Variants in SMG9 observed in about 807,000 individuals in gnomAD.
SMG9 encodes the protein nonsense-mediated mRNA decay factor SMG9.
In SMG9, 55 loss-of-function variants were observed where a neutral mutation model predicts 64.0. The ratio of observed to expected loss-of-function variants is 0.86; its 90% CI spans 0.69 to 1.08. SMG9 has a LOEUF of 1.08. SMG9 is among the 50% of genes least tolerant of loss of function. The pLI, the probability that SMG9 is intolerant of heterozygous loss-of-function variation, is 0.00. For missense variants in SMG9, 554 were observed against 681.3 expected (o/e 0.81, Z 2.08); for synonymous variants, 244 against 254.8 (o/e 0.96, Z 0.41).
chr19:43,751,093 G>C lies in SMG9; in HGVS notation c.-6-346C>G, dbSNP rs747033418. ...ACCTACCTTGGCCTCCCAAAGTGCTGGGATTACAGATGTGAGCCACTGTGC... is the reference window on the plus strand; with the variant it reads ...ACCTACCTTGGCCTCCCAAAGTGCTCGGATTACAGATGTGAGCCACTGTGC... On this transcript the variant is annotated intron_variant, in intron 1 of 13. Transcript: ENST00000270066. Among the ~76,000 whole-genome samples, 12 of 151,686 alleles carry C rather than the reference G, an allele frequency of 7.9e-5. No homozygotes were observed. The South Asian group carries it at 1.2e-3, about 16-fold the overall frequency.
intron 9 of SMG9, chr19:43,734,809 A>C: frequency 4.2e-6 from 1 of 235,746 alleles, no homozygotes; most frequent in Non-Finnish European, 8.3e-6. Flanking sequence ...ACCCCTGCAC[A>C]TGCACAGCCT....
chr19:43,747,939 T>C (rs1007790140), intron 3 of SMG9, 39 bp downstream of exon 3: 4 of 1,613,966 alleles, frequency 2.5e-6, no homozygotes, highest in African/African-American at 1.3e-5. Context: ...GGCAATCCCT[T>C]CCCTAACGGC....
At chr19:43,744,628 T>C (rs2146391123) in intron 6 of SMG9, 144 bp downstream of exon 6, 2 of 545,742 alleles carry the variant, frequency 3.7e-6, no homozygotes, top group East Asian at 6.3e-5. Context: ...ATCATCTTCA[T>C]CTCATGAAGA....
Position 43,750,511 on chromosome 19 carries a change from A to G in SMG9, c.150+81T>C, listed in dbSNP as rs574373914. On this transcript the variant is annotated intron_variant, in intron 2 of 13. Coordinates refer to ENST00000270066, the MANE Select transcript of SMG9 (RefSeq NM_019108.4). ...TTTTGTTTACAAATATATCCCCGGC[A>G]TCTGGATTAGTGCCTGGCACATGGC... The G allele has an allele frequency of 4.4e-5, 65 of 1,486,320 alleles. 1 individual carries two copies. The East Asian group carries it at 1.4e-3, about 32-fold the overall frequency. 92.1% of individuals were successfully genotyped at this position (1,486,320 alleles called of 1,614,324 possible).
rs1487000490 is a variant in SMG9, at chr19:43,728,984, C to G, written c.*2612G>C. The G allele has an allele frequency of 1.0e-6, 1 of 985,366 alleles. No homozygotes were observed. The highest frequency in any genetic ancestry group is 6.1e-5 in the Admixed American group (1 of 16,272). The allele number at this position is 985,366 out of a possible 1,614,324, so 61.0% of individuals were successfully genotyped here. On this transcript the variant is annotated 3_prime_UTR_variant, in exon 14 of 14. Coordinates refer to ENST00000270066, the MANE Select transcript of SMG9 (RefSeq NM_019108.4). ...CAGCCCATCCTAGAGCAGAAGGCCT[C>G]CCTGCAGCAGTATATCTAGCTGGTG... is the stretch of plus-strand genomic sequence containing the variant.
chr19:43,736,493 G>C (rs1276956849), intron 9 of SMG9, among the ~76,000 whole-genome samples: 1 of 152,314 alleles, frequency 6.6e-6, no homozygotes, highest in Non-Finnish European at 1.5e-5. Context: ...GTCTCTTCTG[G>C]AGGCATTTCT....
rs1435819536 is a variant in SMG9 at position 43,731,620 on chromosome 19, T to C, written c.1539A>G (p.Ala513=). 6.8e-6 allele frequency: 11 copies of C among 1,614,116 alleles called. No homozygotes were observed. The highest frequency in any genetic ancestry group is 9.3e-6 in the Non-Finnish European group (11 of 1,180,046). ...WDGVRKSSAL[A]EYSRLLA ...CTCAGGCCAGCAGGCGGCTGTACTCTGCCAGAGCAGAGGACTTTCTCACCC... is the reference window on the plus strand; with the variant it reads ...CTCAGGCCAGCAGGCGGCTGTACTCCGCCAGAGCAGAGGACTTTCTCACCC... The change falls in exon 14 of 14, where the codon GCA becomes GCG. Residue 513 remains alanine (A), a synonymous_variant. Transcript: ENST00000270066.
At chr19:43,749,348 G>A (rs1180560556) in intron 2 of SMG9, among the ~76,000 whole-genome samples, 1 of 152,194 alleles carries the variant, frequency 6.6e-6, no homozygotes, top group Non-Finnish European at 1.5e-5. Context: ...AAGATGCCGA[G>A]GTCAGCACGG....
chr19:43,751,922 T>C (rs747545056), intron 1 of SMG9, among the ~76,000 whole-genome samples: 2 of 152,222 alleles, frequency 1.3e-5, no homozygotes, highest in African/African-American at 2.4e-5. Context: ...TGCTCCAACA[T>C]AAATAAACTC....
At chr19:43,738,049 A>C (rs1251716407) in intron 8 of SMG9, 73 bp downstream of exon 8, 2 of 1,437,944 alleles carry the variant, frequency 1.4e-6, no homozygotes, top group African/African-American at 2.8e-5. Flanking sequence ...ACCCACACCC[A>C]GCTCTCCAGA....
At chr19:43,739,779 T>G in intron 7 of SMG9, 1 of 312,122 alleles carries the variant, frequency 3.2e-6, no homozygotes, top group Non-Finnish European at 6.2e-6. Context: ...GATAAAGAGC[T>G]GTGGTTTAAG....
chr19:43,751,595 T>C (rs1969193773), intron 1 of SMG9, among the ~76,000 whole-genome samples: 1 of 152,232 alleles, frequency 6.6e-6, no homozygotes, highest in African/African-American at 2.4e-5. Flanking sequence ...TGCAGTTAGG[T>C]GTGGCCATGT....
chr19:43,752,714 A>C (rs1415810851), intron 1 of SMG9, among the ~76,000 whole-genome samples: 1 of 152,086 alleles, frequency 6.6e-6, no homozygotes, highest in Non-Finnish European at 1.5e-5. Context: ...CTTGGGCAAC[A>C]TAGCAAGATC....
At chr19:43,746,519 T>C (rs1969012502) in intron 5 of SMG9, among the ~76,000 whole-genome samples, 2 of 152,098 alleles carry the variant, frequency 1.3e-5, no homozygotes, top group African/African-American at 4.8e-5. Flanking sequence ...TTAATTCCAA[T>C]GTGAGAGTGG....
chr19:43,738,360 GA>G (rs1259377493), intron 7 of SMG9, 143 bp from the exon 8 acceptor site: 9 of 667,952 alleles, frequency 1.3e-5, no homozygotes, highest in Admixed American at 3.0e-5. Context: ...GGAAGTTAAA[GA>G]AAAAAAACTC....
intron 5 of SMG9, among the ~76,000 whole-genome samples, chr19:43,746,003 A>G (rs1968990634): frequency 6.6e-6 from 1 of 151,782 alleles, no homozygotes; most frequent in Non-Finnish European, 1.5e-5. Flanking sequence ...TTCCATCACA[A>G]AAAAACAAAA....
chr19:43,742,017 G>A (rs1485023139), intron 6 of SMG9, among the ~76,000 whole-genome samples: 4 of 152,078 alleles, frequency 2.6e-5, no homozygotes, highest in Admixed American at 6.6e-5. Flanking sequence ...ATGTGGTGGT[G>A]CACGCCTGTA....
intron 1 of SMG9, among the ~76,000 whole-genome samples, chr19:43,751,339 G>T (rs1969187770): frequency 6.6e-6 from 1 of 151,908 alleles, no homozygotes; most frequent in African/African-American, 2.4e-5. Flanking sequence ...GTTTCACCAT[G>T]TTGGCCAGGC....
intron 7 of SMG9, chr19:43,739,746 TAC>T (rs767105560): frequency 3.8e-6 from 1 of 263,984 alleles, no homozygotes; most frequent in Non-Finnish European, 7.5e-6. Context: ...AGAGGCTAAG[TAC>T]AGTTACCATC....
Sources: gnomAD v4.1 joint callset for allele counts (sites outside exome capture counted in the v4.1 genomes callset) on GRCh38, gnomAD v4.1.1 for gene constraint, MANE v1.5 for transcripts, NCBI Gene and HGNC (gene_info 2026-07-23, HGNC 2026-07-21) for gene names.